The following MDGA2 variants were observed in gnomAD, a reference collection of about 807,000 sequenced individuals.
MDGA2 encodes the protein MAM domain-containing glycosylphosphatidylinositol anchor protein 2.
A neutral mutation model predicts 117.8 loss-of-function variants in MDGA2; 40 were observed. The ratio of observed to expected loss-of-function variants is 0.34; its 90% CI spans 0.26 to 0.44. MDGA2 has a LOEUF of 0.44. MDGA2 is among the 20% of genes least tolerant of loss of function. The pLI, the probability that MDGA2 is intolerant of heterozygous loss-of-function variation, is 1.00. For synonymous variants in MDGA2, 452 were observed against 439.0 expected (o/e 1.03, Z -0.37); for missense variants, 1,123 against 1,250.6 (o/e 0.90, Z 1.54).
intron 1 of MDGA2, among the ~76,000 whole-genome samples, chr14:47,478,124 T>C (rs938653908): frequency 6.6e-6 from 1 of 152,212 alleles, no homozygotes; most frequent in Non-Finnish European, 1.5e-5. Flanking sequence ...CAACCTTACA[T>C]ACTTTTTCTA....
chr14:47,595,464 G>A (rs1217246733), intron 1 of MDGA2, among the ~76,000 whole-genome samples: 4 of 150,908 alleles, frequency 2.7e-5, no homozygotes, highest in Non-Finnish European at 5.9e-5. Context: ...AACCTGGGAG[G>A]TGGAGGTTTC....
At chr14:47,397,855 G>C (rs564146345) in intron 1 of MDGA2, among the ~76,000 whole-genome samples, 41 of 152,224 alleles carry the variant, frequency 2.7e-4, no homozygotes, top group Admixed American at 2.2e-3. Flanking sequence ...GTAAAATACA[G>C]AGAATGTAAA....
chr14:46,936,867 T>C (rs1884800557), intron 9 of MDGA2, among the ~76,000 whole-genome samples: 1 of 152,044 alleles, frequency 6.6e-6, no homozygotes, highest in African/African-American at 2.4e-5. Context: ...AACATGTTTT[T>C]TTCAAAGAAC....
intron 1 of MDGA2, among the ~76,000 whole-genome samples, chr14:47,473,051 A>G (rs975453198): frequency 6.6e-6 from 1 of 152,136 alleles, no homozygotes; most frequent in African/African-American, 2.4e-5. Context: ...CAATGGGAGG[A>G]AAAACCTGCA....
At chr14:47,343,066 A>G (rs1189309396) in intron 1 of MDGA2, 6 of 1,284,010 alleles carry the variant, frequency 4.7e-6, no homozygotes, top group Non-Finnish European at 6.1e-6. Context: ...GGCAGATCCC[A>G]AGGGATTCAT....
At chr14:46,942,609 A>G (rs1306734567) in intron 9 of MDGA2, among the ~76,000 whole-genome samples, 1 of 152,140 alleles carries the variant, frequency 6.6e-6, no homozygotes, top group Non-Finnish European at 1.5e-5. Context: ...TTTCATTACT[A>G]AAGATTAGTT....
intron 8 of MDGA2, among the ~76,000 whole-genome samples, chr14:47,033,512 A>C (rs1888735314): frequency 6.6e-6 from 1 of 152,202 alleles, no homozygotes; most frequent in South Asian, 2.1e-4. Context: ...CATTTTTTAG[A>C]AAATGGGAAG....
At position 46,876,533 on chromosome 14, in the gene MDGA2, G is replaced by A. The variant is rs550282503; in HGVS notation, c.2437+956C>T. Among the ~76,000 whole-genome samples, 10 of 151,648 alleles carry A rather than the reference G, an allele frequency of 6.6e-5. No homozygotes were observed. In the South Asian group the frequency reaches 2.1e-3, roughly 31 times the overall value. ...TAGAACTGAGAATCAAGTGGATCTT[G>A]AATTTTCCACTGGTTTTCTAATTAC... On this transcript the variant is annotated intron_variant, in intron 12 of 16. Transcript: ENST00000399232.
At chr14:47,539,278 T>C (rs1228089085) in intron 1 of MDGA2, among the ~76,000 whole-genome samples, 1 of 152,214 alleles carries the variant, frequency 6.6e-6, no homozygotes, top group African/African-American at 2.4e-5. Context: ...GATGTTCCCA[T>C]GCAGGCATTC....
intron 11 of MDGA2, among the ~76,000 whole-genome samples, chr14:46,881,586 G>A (rs1475605885): frequency 1.3e-5 from 2 of 152,110 alleles, no homozygotes; most frequent in Non-Finnish European, 2.9e-5. Context: ...GGGATACTGT[G>A]TCAGGGAGAC....
At chr14:47,127,086 GAGA>G (rs1881941888) in intron 5 of MDGA2, among the ~76,000 whole-genome samples, 1 of 152,122 alleles carries the variant, frequency 6.6e-6, no homozygotes, top group Admixed American at 6.5e-5. Context: ...TTGGTTTACA[GAGA>G]AGATTAACGA....
intron 8 of MDGA2, among the ~76,000 whole-genome samples, chr14:47,027,055 C>T (rs1454026970): frequency 6.6e-6 from 1 of 151,878 alleles, no homozygotes; most frequent in Non-Finnish European, 1.5e-5. Flanking sequence ...CACCTGTAAT[C>T]CCAGCTACTT....
At chr14:47,309,203 T>A (rs1338656989) in intron 1 of MDGA2, among the ~76,000 whole-genome samples, 1 of 152,194 alleles carries the variant, frequency 6.6e-6, no homozygotes, top group Non-Finnish European at 1.5e-5. Flanking sequence ...AACATATATA[T>A]TATTTTAAGT....
intron 1 of MDGA2, among the ~76,000 whole-genome samples, chr14:47,305,037 G>C (rs1175774609): frequency 6.6e-6 from 1 of 152,206 alleles, no homozygotes; most frequent in East Asian, 1.9e-4. Context: ...GCCAGACTGA[G>C]CATCATTTTT....
intron 5 of MDGA2, among the ~76,000 whole-genome samples, chr14:47,104,280 T>A (rs1338143665): frequency 6.6e-6 from 1 of 151,796 alleles, no homozygotes; most frequent in Non-Finnish European, 1.5e-5. Flanking sequence ...AACTGAAGAA[T>A]CACAAAACAA....
intron 10 of MDGA2, among the ~76,000 whole-genome samples, chr14:46,919,511 C>T (rs1371827783): frequency 2.0e-5 from 3 of 152,142 alleles, no homozygotes; most frequent in African/African-American, 7.2e-5. Context: ...AACTATCATA[C>T]TTTAATTTCT....
intron 1 of MDGA2, among the ~76,000 whole-genome samples, chr14:47,365,493 A>AG (rs1298933939): frequency 6.6e-6 from 1 of 152,278 alleles, no homozygotes; most frequent in Admixed American, 6.5e-5. Flanking sequence ...TAAGCTACTC[A>AG]GTGGCCACGA....
chr14:47,289,743 TTA>T lies in MDGA2; in HGVS notation c.420+11666_420+11667del, dbSNP rs538676137. 2.1e-3 allele frequency among the ~76,000 whole-genome samples: 314 copies of T among 152,280 alleles called. 2 individuals are homozygous for T. The highest frequency in any genetic ancestry group is 7.1e-3 in the African/African-American group (295 of 41,566). ...AAACGCCCTGATAATCTTCAAATACTTATTTCATATCAACTCTTGTAGTAAAA... is the reference window on the plus strand; with the variant it reads ...AAACGCCCTGATAATCTTCAAATACTTTTCATATCAACTCTTGTAGTAAAA... On this transcript the variant is annotated intron_variant, in intron 2 of 16. Transcript: ENST00000399232.
chr14:47,411,095 G>A (rs1266353682), intron 1 of MDGA2, among the ~76,000 whole-genome samples: 2 of 152,036 alleles, frequency 1.3e-5, no homozygotes, highest in Non-Finnish European at 2.9e-5. Context: ...AGTTTATGAG[G>A]GAGGAAAAGT....
Sources: gnomAD v4.1 joint callset for allele counts (sites outside exome capture counted in the v4.1 genomes callset) on GRCh38, gnomAD v4.1.1 for gene constraint, MANE v1.5 for transcripts, NCBI Gene and HGNC (gene_info 2026-07-23, HGNC 2026-07-21) for gene names.